The following NEDD4L variants were observed in gnomAD, a reference collection of about 807,000 sequenced individuals.
NEDD4L encodes E3 ubiquitin-protein ligase NEDD4-like.
A neutral mutation model predicts 148.9 loss-of-function variants in NEDD4L; 54 were observed. That is an observed-to-expected ratio of 0.36 (90% CI 0.29 to 0.45). The LOEUF (loss-of-function observed/expected upper bound fraction) is 0.45. NEDD4L is among the 20% of genes least tolerant of loss of function. The probability of loss-of-function intolerance (pLI) is 1.00; values close to 1 mark genes in which losing one functional copy is unlikely to be tolerated. For missense variants in NEDD4L, 856 were observed against 1,233.8 expected (o/e 0.69, Z 4.59); for synonymous variants, 433 against 440.7 (o/e 0.98, Z 0.22).
Position 58,249,099 on chromosome 18 carries a change from A to G in NEDD4L, c.243+162A>G, listed in dbSNP as rs538756873. The stretch of plus-strand genomic sequence containing the variant: ...TGTGTCCCAAATTTTGAAAGACTAG[A>G]AGTAGTGGTCACAGAATCCGGACTT... On this transcript the variant is annotated intron_variant, in intron 4 of 30. Coordinates refer to ENST00000400345, the MANE Select transcript of NEDD4L (RefSeq NM_001144967.3). Among the ~76,000 whole-genome samples, 5 of 152,318 alleles carry G rather than the reference A, an allele frequency of 3.3e-5. No homozygotes were observed. The South Asian group carries it at 1.0e-3, about 32-fold the overall frequency.
chr18:58,191,254 C>G (rs1402324765), intron 2 of NEDD4L, among the ~76,000 whole-genome samples: 1 of 152,212 alleles, frequency 6.6e-6, no homozygotes, highest in African/African-American at 2.4e-5. Context: ...AATAACCCCC[C>G]TGTCACCACA....
chr18:58,318,656 C>T (rs1180601591), intron 6 of NEDD4L, among the ~76,000 whole-genome samples: 2 of 152,218 alleles, frequency 1.3e-5, no homozygotes, highest in South Asian at 2.1e-4. Context: ...TTCAGTGCAT[C>T]GTTGTCTAAA....
chr18:58,048,099 A>G (rs1485798887), intron 1 of NEDD4L, among the ~76,000 whole-genome samples: 3 of 152,192 alleles, frequency 2.0e-5, no homozygotes, highest in Non-Finnish European at 2.9e-5. Context: ...ATAGTTGGCT[A>G]CTTTTGAATG....
At chr18:58,333,393 A>G (rs2041287729) in intron 11 of NEDD4L, among the ~76,000 whole-genome samples, 1 of 152,116 alleles carries the variant, frequency 6.6e-6, no homozygotes, top group African/African-American at 2.4e-5. Flanking sequence ...TTTCAATTGT[A>G]GTAATCAATA....
chr18:58,178,127 T>C (rs2038392665), intron 2 of NEDD4L, among the ~76,000 whole-genome samples: 1 of 152,198 alleles, frequency 6.6e-6, no homozygotes, highest in Admixed American at 6.5e-5. Context: ...TCTGATGTTA[T>C]AAGCCATTGA....
chr18:58,239,316 G>A (rs183670767), intron 2 of NEDD4L, among the ~76,000 whole-genome samples: 2 of 152,290 alleles, frequency 1.3e-5, no homozygotes, highest in Non-Finnish European at 2.9e-5. Flanking sequence ...TTAAGGTTGG[G>A]ACACCCCTCT....
chr18:58,045,180 G>T (rs2081518924), intron 1 of NEDD4L: 1 of 398,822 alleles, frequency 2.5e-6, no homozygotes, highest in Non-Finnish European at 4.4e-6. Flanking sequence ...TGATTGTGTG[G>T]ATCAGCAGGC....
chr18:58,124,719 T>C (rs371844514), intron 1 of NEDD4L, among the ~76,000 whole-genome samples: 51 of 152,228 alleles, frequency 3.4e-4, no homozygotes, highest in African/African-American at 1.2e-3. Context: ...CACCAGCTCT[T>C]ACCTGGTTTC....
At chr18:58,348,827 A>G (rs946078700) in intron 16 of NEDD4L, among the ~76,000 whole-genome samples, 2 of 152,148 alleles carry the variant, frequency 1.3e-5, no homozygotes, top group Non-Finnish European at 2.9e-5. Context: ...GTCAGAGTAC[A>G]TATTTCTCTT....
rs141078303 is a variant in NEDD4L at position 58,341,699 on chromosome 18, G to A, written c.1279G>A (p.Gly427Arg). The A allele has an allele frequency of 2.0e-5, 32 of 1,613,446 alleles. No individual in the cohort carries two copies. The highest frequency in any genetic ancestry group is 1.3e-4 in the African/African-American group (10 of 74,894). Residue 427 changes from glycine to arginine, a missense_variant, in exon 15 of 31, where the codon GGA becomes AGA. Physicochemically the swap from Gly to Arg is moderately radical, Grantham distance 125. This residue lies in a region of NEDD4L where 367 missense variants were observed against 422.7 expected (regional missense o/e 0.87). Transcript: ENST00000400345. ...ATAGCTTGCAGAAGATGGTGCGTCCGGATCAGCCACAAACAGTAACAACCA... is the reference window on the plus strand; with the variant it reads ...ATAGCTTGCAGAAGATGGTGCGTCCAGATCAGCCACAAACAGTAACAACCA... Reference protein sequence around the residue: ...IMQLAEDGASGSATNSNNHLI... With the variant: ...IMQLAEDGASRSATNSNNHLI...
At chr18:58,367,130 C>G (rs2046217607) in intron 21 of NEDD4L, 1 of 152,342 alleles carries the variant, frequency 6.6e-6, no homozygotes, top group South Asian at 2.1e-4. Context: ...GATACCCCCA[C>G]CCCGGAGGAA....
chr18:58,341,694 C>T lies in NEDD4L; in HGVS notation c.1274C>T (p.Ala425Val), dbSNP rs748170219. 8.1e-6 allele frequency: 13 copies of T among 1,613,266 alleles called. No homozygotes were observed. In the East Asian group the frequency reaches 8.9e-5, roughly 11 times the overall value. ...RPIMQLAEDGASGSATNSNNH... is the reference protein window; with the variant it reads ...RPIMQLAEDGVSGSATNSNNH... ...CCAAAATAGCTTGCAGAAGATGGTG[C>T]GTCCGGATCAGCCACAAACAGTAAC... The change falls in exon 15 of 31, where the codon GCG (alanine) becomes GTG (valine). Residue 425 changes from alanine to valine, a missense_variant. Ala to Val is a moderately conservative substitution (Grantham distance 64). Around this residue, in one of 4 missense-constraint regions of NEDD4L, gnomAD observed 367 missense variants for 422.7 expected, o/e 0.87. Transcript: ENST00000400345.
intron 5 of NEDD4L, among the ~76,000 whole-genome samples, chr18:58,270,080 A>G (rs1414638023): frequency 6.6e-6 from 1 of 152,224 alleles, no homozygotes; most frequent in East Asian, 1.9e-4. Flanking sequence ...CTATCCTGTT[A>G]TGTCTTGTGT....
At chr18:58,231,834 G>A (rs1199123463) in intron 2 of NEDD4L, among the ~76,000 whole-genome samples, 1 of 152,192 alleles carries the variant, frequency 6.6e-6, no homozygotes, top group Non-Finnish European at 1.5e-5. Context: ...AAGGTGCTGG[G>A]ATCACAGGCA....
At chr18:58,132,795 G>T (rs186025743) in intron 1 of NEDD4L, among the ~76,000 whole-genome samples, 57 of 152,232 alleles carry the variant, frequency 3.7e-4, no homozygotes, top group Non-Finnish European at 4.9e-4. Context: ...GTGTGTGATA[G>T]AGTTCATGAC....
At chr18:58,148,487 G>C (rs1363364189) in intron 1 of NEDD4L, among the ~76,000 whole-genome samples, 2 of 152,184 alleles carry the variant, frequency 1.3e-5, no homozygotes. Flanking sequence ...CAGTTCTGAA[G>C]GCCAGAAGCC....
At chr18:58,195,128 A>G (rs1323222048) in intron 2 of NEDD4L, among the ~76,000 whole-genome samples, 1 of 152,206 alleles carries the variant, frequency 6.6e-6, no homozygotes, top group Non-Finnish European at 1.5e-5. Flanking sequence ...TAACATTGCT[A>G]TGGACATTTA....
At chr18:58,381,815 T>C (rs1015200281) in intron 24 of NEDD4L, among the ~76,000 whole-genome samples, 2 of 152,122 alleles carry the variant, frequency 1.3e-5, no homozygotes, top group African/African-American at 2.4e-5. Context: ...AGAGTTTCAC[T>C]GTAGAAACAT....
At chr18:58,233,189 A>T (rs1282438678) in intron 2 of NEDD4L, among the ~76,000 whole-genome samples, 5 of 152,190 alleles carry the variant, frequency 3.3e-5, no homozygotes, top group African/African-American at 4.8e-5. Context: ...CCTACTGGGG[A>T]TGCTATGCAA....
Sources: gnomAD v4.1 joint callset for allele counts (sites outside exome capture counted in the v4.1 genomes callset) on GRCh38, gnomAD v4.1.1 for gene constraint, gnomAD v4.1.1 regional missense constraint, MANE v1.5 for transcripts, NCBI Gene and HGNC (gene_info 2026-07-23, HGNC 2026-07-21) for gene names.